The following C20orf173 variants were observed in gnomAD, a reference collection of about 807,000 sequenced individuals.
C20orf173 encodes the protein uncharacterized protein C20orf173.
Under a neutral mutation model 26.7 loss-of-function variants are expected in C20orf173, and 22 were observed. The ratio of observed to expected loss-of-function variants is 0.82; its 90% CI spans 0.59 to 1.18. C20orf173 has a LOEUF of 1.18. C20orf173 is among the 50% of genes most tolerant of loss of function. The pLI, the probability that C20orf173 is intolerant of heterozygous loss-of-function variation, is 0.00. For missense variants in C20orf173, 210 were observed against 250.3 expected, an observed-to-expected ratio of 0.84 and a Z score of 1.09; for synonymous variants, 85 against 96.4, an observed-to-expected ratio of 0.88 and a Z score of 0.69.
chr20:35,528,950 T>G lies in C20orf173; in HGVS notation c.310-71A>C. The G allele has an allele frequency of 3.2e-6, 5 of 1,541,168 alleles. No homozygotes were observed. In the South Asian group the frequency reaches 4.8e-5, roughly 15 times the overall value. On this transcript the variant is annotated intron_variant, in intron 2 of 5. Transcript: ENST00000444723. The stretch of plus-strand genomic sequence containing the variant: ...AAAACAGAGCTGGGTGGGTGAGATC[T>G]CCATCCAGAGGCTGTGAAGACAGGG...
chr20:35,529,466 C>G, intron 1 of C20orf173, 42 bp from the exon 2 acceptor site: 3 of 1,240,186 alleles, frequency 2.4e-6, no homozygotes, highest in South Asian at 3.1e-5. Flanking sequence ...GCACCAGCTT[C>G]CCTCTGTCCT....
intron 2 of C20orf173, 56 bp downstream of exon 2, chr20:35,529,009 T>G: frequency 6.5e-7 from 1 of 1,535,848 alleles, no homozygotes; most frequent in Non-Finnish European, 8.8e-7. Flanking sequence ...AAGTGGGAGA[T>G]GGGTGAGGCC....
At chr20:35,522,053 T>G (rs1204276215), downstream of C20orf173, 1 of 152,628 alleles carries the variant, frequency 6.6e-6, no homozygotes, top group East Asian at 1.9e-4. Context: ...CCAACTTTCC[T>G]GGATATACCT....
chr20:35,528,430 G>A (rs1190505262), intron 4 of C20orf173, 21 bp downstream of exon 4: 3 of 1,550,888 alleles, frequency 1.9e-6, no homozygotes, highest in Non-Finnish European at 2.6e-6. Flanking sequence ...CACAGAGAAT[G>A]TCTGGGGACA....
chr20:35,528,598 C>A, intron 3 of C20orf173, 54 bp from the exon 4 acceptor site: 1 of 1,548,394 alleles, frequency 6.5e-7, no homozygotes. Context: ...CATCTCAAAG[C>A]CCTGGACTTG....
chr20:35,523,998 G>A (rs2064489339), downstream of C20orf173, among the ~76,000 whole-genome samples: 1 of 152,094 alleles, frequency 6.6e-6, no homozygotes, highest in Non-Finnish European at 1.5e-5. Flanking sequence ...CCTCTCAGGG[G>A]TCGACTTTTT....
intron 1 of C20orf173, 45 bp downstream of exon 1, chr20:35,529,514 C>T (rs1463199373): frequency 1.4e-6 from 1 of 716,142 alleles, no homozygotes; most frequent in Non-Finnish European, 2.3e-6. Flanking sequence ...CACCTTCCAC[C>T]TCCTTCCAAC....
intron 5 of C20orf173, 137 bp from the exon 6 acceptor site, chr20:35,527,387 A>G (rs1176565940): frequency 3.3e-5 from 5 of 151,562 alleles, no homozygotes; most frequent in Non-Finnish European, 7.4e-5. Flanking sequence ...CAGGAAACAG[A>G]CTCTGGACAC....
Position 35,529,149 on chromosome 20 carries a change from C to A in C20orf173, c.225G>T (p.Trp75Cys). 6.4e-7 allele frequency: 1 copy of A among 1,551,730 alleles called. No individual in the cohort carries two copies. The highest frequency in any genetic ancestry group is 8.7e-7 in the Non-Finnish European group (1 of 1,147,006). Residue 75 changes from tryptophan to cysteine, a missense_variant, in exon 2 of 6, where the codon TGG becomes TGT. Physicochemically the swap from Trp to Cys is radical, Grantham distance 215 (BLOSUM62 -2). Transcript: ENST00000444723. ...SCHHTADEWNWLDACSRKTMG... is the reference protein window; with the variant it reads ...SCHHTADEWNCLDACSRKTMG... Reference sequence around the variant, plus strand: ...TAGTCTTCCTGGAGCACGCATCAAGCCAGTTCCATTCGTCGGCTGTGTGGT... The same window carrying A: ...TAGTCTTCCTGGAGCACGCATCAAGACAGTTCCATTCGTCGGCTGTGTGGT...
chr20:35,525,256 A>C (rs1248350466), downstream of C20orf173, among the ~76,000 whole-genome samples: 1 of 152,014 alleles, frequency 6.6e-6, no homozygotes, highest in Non-Finnish European at 1.5e-5. Flanking sequence ...TGTGTTTATA[A>C]GATGAGGGAA....
chr20:35,521,528 G>A (rs146005377), downstream of C20orf173, among the ~76,000 whole-genome samples: 224 of 152,044 alleles, frequency 1.5e-3, no homozygotes, highest in African/African-American at 5.0e-3. Context: ...GAGAGGGAGA[G>A]AGGAGAGGGG....
At chr20:35,525,583 G>A (rs2064498266), downstream of C20orf173, among the ~76,000 whole-genome samples, 1 of 152,146 alleles carries the variant, frequency 6.6e-6, no homozygotes, top group Non-Finnish European at 1.5e-5. Flanking sequence ...TTTGGAAACA[G>A]AAGACACAGG....
chr20:35,524,708 T>C (rs1489445329), downstream of C20orf173, among the ~76,000 whole-genome samples: 1 of 151,898 alleles, frequency 6.6e-6, no homozygotes, highest in East Asian at 1.9e-4. Context: ...AATTTTTTTT[T>C]TTTTTTTGAG....
downstream of C20orf173, chr20:35,523,089 C>G (rs961841934): frequency 6.6e-6 from 1 of 152,640 alleles, no homozygotes; most frequent in African/African-American, 2.4e-5. Flanking sequence ...AAGCGTCTGT[C>G]AAACCAGTCA....
rs774306114 is a variant in C20orf173 at position 35,529,123 on chromosome 20, A to G, written c.251T>C (p.Met84Thr). Residue 84 changes from methionine (M) to threonine (T), a missense_variant, in exon 2 of 6, where the codon ATG (methionine) becomes ACG (threonine). Transcript: ENST00000444723. ...NWLDACSRKT[M>T]GYLMRTRESM... is the part of the protein sequence containing the mutation. ...CTCTCTTGTCCTCATCAGGTACCCC[A>G]TAGTCTTCCTGGAGCACGCATCAAG... The G allele has an allele frequency of 2.6e-6, 4 of 1,551,548 alleles. No homozygotes were observed. Among genetic ancestry groups the G allele is most frequent in the Non-Finnish European group, 3.5e-6 (4 of 1,147,000 alleles).
downstream of C20orf173, chr20:35,521,184 G>A (rs964283853): frequency 1.3e-5 from 2 of 152,718 alleles, no homozygotes; most frequent in Middle Eastern, 3.4e-3. Flanking sequence ...GTGGTGTAAC[G>A]GGCTGGATCC....
chr20:35,522,003 C>G (rs1198737424), downstream of C20orf173: 1 of 152,584 alleles, frequency 6.6e-6, no homozygotes, highest in Non-Finnish European at 1.5e-5. Flanking sequence ...TACAACAGAG[C>G]CACAAACTCC....
downstream of C20orf173, among the ~76,000 whole-genome samples, chr20:35,521,360 A>G (rs74451544): frequency 0.014 from 2,167 of 152,166 alleles, 39 homozygotes; most frequent in African/African-American, 0.049. Context: ...AGAGAGCACC[A>G]ACTAGTTGTT....
downstream of C20orf173, chr20:35,522,316 T>C (rs2064479796): frequency 6.6e-6 from 1 of 152,528 alleles, no homozygotes; most frequent in African/African-American, 2.4e-5. Flanking sequence ...GCCTTGGGGG[T>C]GCCCCAGTAT....
Sources: allele counts gnomAD v4.1 joint callset (sites outside exome capture counted in the v4.1 genomes callset), GRCh38; gene constraint gnomAD v4.1.1; transcripts MANE v1.5; gene names NCBI Gene and HGNC (gene_info 2026-07-23, HGNC 2026-07-21).